Variants in DNAH11 observed in about 807,000 individuals in gnomAD.
DNAH11 encodes the protein dynein axonemal heavy chain 11, also known as axonemal beta dynein heavy chain 11.
Under a neutral mutation model 526.0 loss-of-function variants are expected in DNAH11, and 442 were observed. That is an observed-to-expected ratio of 0.84 (90% CI 0.78 to 0.91). The LOEUF is 0.91. DNAH11 is among the 40% of genes least tolerant of loss of function. The pLI is 0.00. For synonymous variants in DNAH11, 2,461 were observed against 1,935.9 expected (o/e 1.27, Z -7.12); for missense variants, 6,989 against 5,448.7 (o/e 1.28, Z -8.90).
chr7:21,622,401 A>C (rs1786107460), intron 25 of DNAH11, among the ~76,000 whole-genome samples: 1 of 152,214 alleles, frequency 6.6e-6, no homozygotes. Flanking sequence ...TGCCCAAAGT[A>C]ATTTATAGAT....
intron 37 of DNAH11, 110 bp from the exon 38 acceptor site, chr7:21,704,324 C>A: frequency 9.2e-7 from 1 of 1,083,892 alleles, no homozygotes; most frequent in Non-Finnish European, 1.3e-6. Flanking sequence ...GAGAACAGTA[C>A]CAATATCTCA....
chr7:21,789,188 G>A (rs1396860919), intron 60 of DNAH11, 53 bp from the exon 61 acceptor site: 3 of 1,279,450 alleles, frequency 2.3e-6, no homozygotes, highest in Non-Finnish European at 2.2e-6. Flanking sequence ...TCCTATCTGG[G>A]ATTGAATGAT....
At chr7:21,832,317 G>A (rs544382500) in intron 65 of DNAH11, among the ~76,000 whole-genome samples, 39 of 152,224 alleles carry the variant, frequency 2.6e-4, no homozygotes, top group South Asian at 6.2e-4. Context: ...GGCTGGCACC[G>A]GTTGTTCCTT....
At chr7:21,744,694 G>T in intron 50 of DNAH11, 95 bp downstream of exon 50, 5 of 1,515,666 alleles carry the variant, frequency 3.3e-6, no homozygotes, top group Non-Finnish European at 4.5e-6. Context: ...GTGCACAAGG[G>T]CTTACCTTTT....
chr7:21,669,213 C>G (rs952658156), intron 30 of DNAH11, among the ~76,000 whole-genome samples: 4 of 152,164 alleles, frequency 2.6e-5, no homozygotes, highest in Admixed American at 1.3e-4. Flanking sequence ...CAGGGTCTCA[C>G]TCTGTCAACC....
intron 55 of DNAH11, among the ~76,000 whole-genome samples, chr7:21,772,646 T>C (rs1787488901): frequency 2.0e-5 from 3 of 152,212 alleles, no homozygotes; most frequent in Admixed American, 1.3e-4. Context: ...ATATTTGGAA[T>C]TTATATCACG....
intron 25 of DNAH11, among the ~76,000 whole-genome samples, chr7:21,626,467 A>G (rs1786338590): frequency 6.6e-6 from 1 of 152,122 alleles, no homozygotes; most frequent in Admixed American, 6.6e-5. Flanking sequence ...TCTTTTGGGT[A>G]TATACCTAGT....
intron 68 of DNAH11, among the ~76,000 whole-genome samples, chr7:21,860,028 C>G (rs940431394): frequency 7.2e-4 from 109 of 152,122 alleles, no homozygotes; most frequent in African/African-American, 2.5e-3. Context: ...CAAAAATTAG[C>G]CAAGTGTGAT....
At chr7:21,675,077 C>G (rs1186395583) in intron 30 of DNAH11, among the ~76,000 whole-genome samples, 1 of 150,034 alleles carries the variant, frequency 6.7e-6, no homozygotes, top group Non-Finnish European at 1.5e-5. Flanking sequence ...GTCTTTTCTT[C>G]CAGTCTTACC....
chr7:21,700,720 C>A (rs1784018426), intron 36 of DNAH11, among the ~76,000 whole-genome samples: 1 of 152,042 alleles, frequency 6.6e-6, no homozygotes, highest in South Asian at 2.1e-4. Context: ...AAATGGCCAT[C>A]AATGATAGAC....
At chr7:21,869,060 C>G (rs753736441) in intron 73 of DNAH11, 69 bp downstream of exon 73, 1 of 1,598,990 alleles carries the variant, frequency 6.3e-7, no homozygotes, top group African/African-American at 1.3e-5. Flanking sequence ...AGCTGGCCCG[C>G]CCAACAGAAT....
chr7:21,825,674 C>T (rs1428063079), intron 65 of DNAH11, among the ~76,000 whole-genome samples: 1 of 151,358 alleles, frequency 6.6e-6, no homozygotes, highest in Non-Finnish European at 1.5e-5. Flanking sequence ...TCTAAGCTTT[C>T]AAAATAGTTG....
At chr7:21,754,023 T>G (rs941578376) in intron 54 of DNAH11, among the ~76,000 whole-genome samples, 15 of 152,232 alleles carry the variant, frequency 9.9e-5, no homozygotes, top group African/African-American at 3.6e-4. Context: ...CCTTACTGTC[T>G]CTCTTATAGT....
chr7:21,581,034 G>A (rs1387471745), intron 8 of DNAH11, among the ~76,000 whole-genome samples: 2 of 152,162 alleles, frequency 1.3e-5, no homozygotes, highest in Non-Finnish European at 2.9e-5. Flanking sequence ...AGTTAATCAT[G>A]TGAAATATTT....
intron 45 of DNAH11, among the ~76,000 whole-genome samples, chr7:21,733,329 A>G (rs1433614329): frequency 6.6e-6 from 1 of 152,218 alleles, no homozygotes; most frequent in Non-Finnish European, 1.5e-5. Context: ...CAGAGTTTGC[A>G]GTGAGCTGAG....
chr7:21,635,604 C>T (rs1488005843), intron 25 of DNAH11, among the ~76,000 whole-genome samples: 1 of 150,166 alleles, frequency 6.7e-6, no homozygotes, highest in African/African-American at 2.5e-5. Context: ...GCAATAGATG[C>T]AGGGCCTTCT....
At chr7:21,631,946 A>T (rs1395536387) in intron 25 of DNAH11, among the ~76,000 whole-genome samples, 1 of 152,220 alleles carries the variant, frequency 6.6e-6, no homozygotes, top group Non-Finnish European at 1.5e-5. Flanking sequence ...GAGGTTCTCC[A>T]TGAGGACGCT....
In DNAH11 at chr7:21,687,396, C is replaced by T. The variant is rs1783423739; in HGVS notation, c.5793C>T (p.Ile1931=). ...EQMDYKSIGN[I]YKGLVQTGAW... is the part of the protein sequence containing the mutation. ...TTATCATTTAGTCCATAGGCAATAT[C>T]TATAAGGGATTGGTGCAGACAGGAG... The change falls in exon 34 of 82, where the codon ATC becomes ATT. Residue 1931 remains isoleucine (I), a synonymous_variant. Transcript: ENST00000409508. 3 of 1,613,204 alleles carry T rather than the reference C, an allele frequency of 1.9e-6. No homozygotes were observed. The highest frequency in any genetic ancestry group is 2.5e-6 in the Non-Finnish European group (3 of 1,179,568).
At position 21,816,220 on chromosome 7, in the gene DNAH11, C is replaced by T. The variant is rs955255288; in HGVS notation, c.10333-247C>T. Among the ~76,000 whole-genome samples, 4 of 152,120 alleles carry T rather than the reference C, an allele frequency of 2.6e-5. No homozygotes were observed. The East Asian group carries it at 7.7e-4, about 29-fold the overall frequency. ...GGGGCAAAGTCTCTCTCAGTTGAAG[C>T]CCAGTAGATGCAGTTGATAAAACCG... On this transcript the variant is annotated intron_variant, in intron 63 of 81. Coordinates refer to ENST00000409508, the MANE Select transcript of DNAH11 (RefSeq NM_001277115.2).
Sources: gnomAD v4.1 joint callset for allele counts (sites outside exome capture counted in the v4.1 genomes callset) on GRCh38, gnomAD v4.1.1 for gene constraint, MANE v1.5 for transcripts, NCBI Gene and HGNC (gene_info 2026-07-23, HGNC 2026-07-21) for gene names.